The following RNF212 variants were observed in gnomAD, a reference collection of about 807,000 sequenced individuals.
RNF212 encodes the protein probable E3 SUMO-protein ligase RNF212.
A neutral mutation model predicts 34.7 loss-of-function variants in RNF212; 33 were observed. The observed-to-expected ratio is 0.95, with a 90% CI of 0.72 to 1.27. RNF212 has a LOEUF of 1.27. RNF212 is among the 50% of genes most tolerant of loss of function. The pLI, the probability that RNF212 is intolerant of heterozygous loss-of-function variation, is 0.00. For missense variants in RNF212, 377 were observed against 362.2 expected (o/e 1.04, Z -0.33); for synonymous variants, 140 against 136.1 (o/e 1.03, Z -0.20).
At chr4:1,091,177 C>A (rs1722132746) in intron 3 of RNF212, among the ~76,000 whole-genome samples, 1 of 152,174 alleles carries the variant, frequency 6.6e-6, no homozygotes, top group Non-Finnish European at 1.5e-5. Flanking sequence ...CAGGTGTGGA[C>A]CAATGGCTGG....
intron 3 of RNF212, among the ~76,000 whole-genome samples, chr4:1,059,865 C>T (rs1272286202): frequency 2.0e-5 from 3 of 152,186 alleles, no homozygotes; most frequent in East Asian, 1.9e-4. Flanking sequence ...GAGGCCAAGG[C>T]GGGTGGATCA....
At chr4:1,079,800 G>C in intron 7 of RNF212, 112 bp from the exon 8 acceptor site, 1 of 787,510 alleles carries the variant, frequency 1.3e-6, no homozygotes, top group South Asian at 1.4e-5. Flanking sequence ...TCTTCCTCTA[G>C]CTTCATGCTG....
chr4:1,081,868 C>T (rs1026545565), intron 5 of RNF212: 20 of 494,906 alleles, frequency 4.0e-5, no homozygotes. Context: ...CTTACAACTG[C>T]AACTGTCACT....
At chr4:1,112,213 G>C (rs1725791411) in intron 1 of RNF212, among the ~76,000 whole-genome samples, 2 of 152,138 alleles carry the variant, frequency 1.3e-5, no homozygotes, top group African/African-American at 4.8e-5. Flanking sequence ...CCTTGAAAGA[G>C]GCAAAGAGAA....
intron 2 of RNF212, among the ~76,000 whole-genome samples, chr4:1,104,597 G>A (rs555972975): frequency 9.3e-4 from 141 of 152,288 alleles, no homozygotes; most frequent in Middle Eastern, 3.4e-3. Context: ...GGGAGCAGGC[G>A]TGGTGATGAC....
At chr4:1,093,858 G>A (rs2153054256) in intron 3 of RNF212, 3 of 1,536,194 alleles carry the variant, frequency 2.0e-6, no homozygotes, top group Non-Finnish European at 1.7e-6. Context: ...TGGGACCGCC[G>A]GCATCCTGGT....
chr4:1,079,679 C>G lies in RNF212; in HGVS notation c.474G>C (p.Ser158=), dbSNP rs780643771. 2 of 1,610,950 alleles carry G rather than the reference C, an allele frequency of 1.2e-6. No homozygotes were observed. The highest frequency in any genetic ancestry group is 1.3e-5 in the African/African-American group (1 of 74,876). The change falls in exon 8 of 10, where the codon TCG becomes TCC. Residue 158 remains serine, a synonymous_variant. Transcript: ENST00000433731. The part of the protein sequence containing the change: ...PHSSAPDRLE[S]MEVDLSPSPI... ...GAGAAGGAGAGAGATCAACTTCCAT[C>G]GACTCCAGTCTGTTAAACACATAGT... is the stretch of plus-strand genomic sequence containing the variant.
chr4:1,088,330 G>A (rs1721663887), intron 4 of RNF212, among the ~76,000 whole-genome samples: 1 of 152,170 alleles, frequency 6.6e-6, no homozygotes, highest in Admixed American at 6.5e-5. Context: ...CAATGTCTGT[G>A]GAACTTTGAA....
intron 2 of RNF212, 76 bp downstream of exon 2, chr4:1,108,267 G>T: frequency 1.3e-5 from 13 of 993,000 alleles, no homozygotes; most frequent in South Asian, 3.5e-5. Flanking sequence ...CACCACAAAT[G>T]ACTAAAAATT....
At chr4:1,084,859 T>C (rs969971283) in intron 5 of RNF212, among the ~76,000 whole-genome samples, 2 of 152,146 alleles carry the variant, frequency 1.3e-5, no homozygotes, top group African/African-American at 4.8e-5. Context: ...TGGCAACTCT[T>C]AGAACCCAAA....
At chr4:1,069,648 C>T (rs1718316166), downstream of RNF212, among the ~76,000 whole-genome samples, 1 of 152,234 alleles carries the variant, frequency 6.6e-6, no homozygotes, top group African/African-American at 2.4e-5. Context: ...CAGGTCACCT[C>T]TGTGCTCCGA....
rs149082351 is a variant in RNF212, at chr4:1,098,009, G to T, written c.172-1170C>A. Among the ~76,000 whole-genome samples, 1,509 of 152,236 alleles carry T rather than the reference G, an allele frequency of 9.9e-3. 53 individuals are homozygous for T. In the East Asian group the frequency reaches 0.12, roughly 12 times the overall value. On this transcript the variant is annotated intron_variant, in intron 2 of 9. Coordinates refer to ENST00000433731, the MANE Select transcript of RNF212 (RefSeq NM_001131034.4). Reference sequence around the variant, plus strand: ...GAACCCGGGAGGTGGAGGTTGCAGTGAGCCGAGATCATGCCACTGCACTCC... The same window carrying T: ...GAACCCGGGAGGTGGAGGTTGCAGTTAGCCGAGATCATGCCACTGCACTCC...
intron 3 of RNF212, 102 bp downstream of exon 3, chr4:1,096,663 A>C (rs1723104498): frequency 2.7e-6 from 2 of 739,878 alleles, no homozygotes; most frequent in Non-Finnish European, 4.7e-6. Context: ...GGGATAGTGC[A>C]CCTGGCTCAT....
intron 3 of RNF212, among the ~76,000 whole-genome samples, chr4:1,061,375 C>CA (rs1717738839): frequency 1.3e-5 from 2 of 152,296 alleles, no homozygotes; most frequent in Admixed American, 1.3e-4. Context: ...GAGAGGCCCA[C>CA]AGTCCTGGCT....
downstream of RNF212, among the ~76,000 whole-genome samples, chr4:1,069,354 C>T (rs1718294362): frequency 6.6e-6 from 1 of 152,188 alleles, no homozygotes; most frequent in Non-Finnish European, 1.5e-5. Context: ...GGAAAAACTG[C>T]TATGAGGCAG....
Position 1,073,152 on chromosome 4 carries a change from T to G in RNF212, c.616A>C (p.Thr206Pro), listed in dbSNP as rs371212537. The G allele has an allele frequency of 1.4e-5, 22 of 1,614,078 alleles. No homozygotes were observed. The East Asian group carries it at 4.9e-4, about 36-fold the overall frequency. Residue 206 changes from threonine to proline, a missense_variant, in exon 10 of 10, where the codon ACC (threonine) becomes CCC (proline). Coordinates refer to ENST00000433731, the MANE Select transcript of RNF212 (RefSeq NM_001131034.4). Reference protein sequence around the residue: ...TASFCFIPWLTLSKPPVPGEC... With the variant: ...TASFCFIPWLPLSKPPVPGEC... ...CCGGGCACAGGGGGCTTAGACAAGGTCAACCATGGGATGAAACAGAAAGAA... is the reference window on the plus strand; with the variant it reads ...CCGGGCACAGGGGGCTTAGACAAGGGCAACCATGGGATGAAACAGAAAGAA...
downstream of RNF212, among the ~76,000 whole-genome samples, chr4:1,068,288 G>A (rs1718219965): frequency 2.0e-5 from 3 of 152,242 alleles, no homozygotes; most frequent in Admixed American, 1.3e-4. Context: ...GGGTCCGGAA[G>A]AAAGCCCTCA....
intron 1 of RNF212, 36 bp downstream of exon 1, chr4:1,113,320 C>T: frequency 6.8e-7 from 1 of 1,470,956 alleles, no homozygotes; most frequent in Non-Finnish European, 9.1e-7. Context: ...TTGCCGCTCC[C>T]CTCCCCTCTC....
chr4:1,070,879 GT>G (rs61464812), downstream of RNF212, among the ~76,000 whole-genome samples: 4 of 145,990 alleles, frequency 2.7e-5, no homozygotes, highest in South Asian at 2.2e-4. Context: ...TTGGAGTTTT[GT>G]TTTTTTTTTA....
Sources: allele counts gnomAD v4.1 joint callset (sites outside exome capture counted in the v4.1 genomes callset), GRCh38; gene constraint gnomAD v4.1.1; transcripts MANE v1.5; gene names NCBI Gene and HGNC (gene_info 2026-07-23, HGNC 2026-07-21).